The following GPC5 variants were observed in gnomAD, a reference collection of about 807,000 sequenced individuals.
GPC5 encodes glypican-5.
In GPC5, 47 loss-of-function variants were observed where a neutral mutation model predicts 53.9. The observed-to-expected ratio is 0.87, with a 90% CI of 0.69 to 1.11. The LOEUF (loss-of-function observed/expected upper bound fraction) is 1.11, where lower values mean the gene tolerates loss of function less well. GPC5 is among the 50% of genes most tolerant of loss of function. GPC5 has a pLI of 0.00. For synonymous variants in GPC5, 286 were observed against 263.3 expected, an observed-to-expected ratio of 1.09 and a Z score of -0.84; for missense variants, 748 against 713.1, an observed-to-expected ratio of 1.05 and a Z score of -0.56.
At chr13:92,202,300 G>C (rs896990805) in intron 7 of GPC5, among the ~76,000 whole-genome samples, 20 of 152,138 alleles carry the variant, frequency 1.3e-4, no homozygotes, top group Non-Finnish European at 2.8e-4. Context: ...TTAGCATGCA[G>C]AACAGGCTAT....
At chr13:91,631,467 C>T (rs1285501952) in intron 2 of GPC5, among the ~76,000 whole-genome samples, 1 of 152,016 alleles carries the variant, frequency 6.6e-6, no homozygotes, top group Non-Finnish European at 1.5e-5. Context: ...AGTATGGACT[C>T]AAGGAACAGA....
chr13:92,118,189 A>G (rs747777821), intron 6 of GPC5, among the ~76,000 whole-genome samples: 1 of 152,114 alleles, frequency 6.6e-6, no homozygotes, highest in Non-Finnish European at 1.5e-5. Context: ...AATTTTGTCA[A>G]ATGCTTTTGC....
chr13:92,713,427 C>T (rs77197686), intron 7 of GPC5, among the ~76,000 whole-genome samples: 1 of 116,454 alleles, frequency 8.6e-6, no homozygotes, highest in African/African-American at 3.4e-5. Flanking sequence ...TCCGGCTCTA[C>T]TAAAAAAAAA....
At position 91,920,946 on chromosome 13, in the gene GPC5, T is replaced by C. The variant is rs2139016845; in HGVS notation, c.1401+12889T>C. The stretch of plus-strand genomic sequence containing the variant: ...TCTCTCTTTTTTTTTTTTTTTTTTT[T>C]TTTTTTTTTGAGATAGAGTTTCTCT... On this transcript the variant is annotated intron_variant, in intron 6 of 7. Transcript: ENST00000377067. 1.4e-5 allele frequency among the ~76,000 whole-genome samples: 2 copies of C among 138,988 alleles called. 1 individual carries two copies. The highest frequency in any genetic ancestry group is 4.1e-4 in the East Asian group (2 of 4,858). 91.2% of individuals were successfully genotyped at this position (138,988 alleles called of 152,430 possible).
At chr13:92,266,388 A>G (rs1193378080) in intron 7 of GPC5, among the ~76,000 whole-genome samples, 1 of 152,162 alleles carries the variant, frequency 6.6e-6, no homozygotes, top group Non-Finnish European at 1.5e-5. Flanking sequence ...TGGCTAGAGG[A>G]AGATGCTCTC....
chr13:92,295,646 G>A (rs1401199832), intron 7 of GPC5, among the ~76,000 whole-genome samples: 4 of 152,134 alleles, frequency 2.6e-5, no homozygotes, highest in Non-Finnish European at 5.9e-5. Flanking sequence ...TCCAGTATTA[G>A]GTGCATATAT....
intron 7 of GPC5, among the ~76,000 whole-genome samples, chr13:92,843,194 T>C (rs540510319): frequency 7.2e-5 from 11 of 152,322 alleles, no homozygotes; most frequent in African/African-American, 2.4e-4. Context: ...TATTCCTCTT[T>C]TCAATCTCTT....
At chr13:91,546,524 TTA>T (rs2138789786) in intron 2 of GPC5, among the ~76,000 whole-genome samples, 1 of 152,232 alleles carries the variant, frequency 6.6e-6, no homozygotes, top group African/African-American at 2.4e-5. Flanking sequence ...AATCAATTTT[TTA>T]AAATTTTTTC....
At chr13:92,461,481 T>TA (rs1348688864) in intron 7 of GPC5, among the ~76,000 whole-genome samples, 2 of 152,082 alleles carry the variant, frequency 1.3e-5, no homozygotes, top group Non-Finnish European at 2.9e-5. Context: ...AAAAGAGACA[T>TA]AGAAATATCC....
chr13:92,292,276 A>G (rs2043002186), intron 7 of GPC5, among the ~76,000 whole-genome samples: 1 of 152,200 alleles, frequency 6.6e-6, no homozygotes, highest in Non-Finnish European at 1.5e-5. Context: ...TTCCCATAGC[A>G]ATTGTACTAG....
At chr13:91,705,695 C>CA (rs1415868057) in intron 3 of GPC5, among the ~76,000 whole-genome samples, 1 of 122,972 alleles carries the variant, frequency 8.1e-6, no homozygotes, top group South Asian at 2.7e-4. Flanking sequence ...CTAAAAACAC[C>CA]CCCCCCCCCA....
chr13:92,755,974 AT>A (rs1242038792), intron 7 of GPC5, among the ~76,000 whole-genome samples: 2 of 151,786 alleles, frequency 1.3e-5, no homozygotes, highest in African/African-American at 4.8e-5. Context: ...TCCCTAACTC[AT>A]TTTATGAGGC....
At chr13:92,156,263 C>A (rs1474382132) in intron 7 of GPC5, among the ~76,000 whole-genome samples, 1 of 152,068 alleles carries the variant, frequency 6.6e-6, no homozygotes, top group Non-Finnish European at 1.5e-5. Flanking sequence ...GGTAAGAAAA[C>A]TTGGCAGATT....
rs535211424 is a variant in GPC5, at chr13:92,177,525, T to G, written c.1561+32536T>G. On this transcript the variant is annotated intron_variant, in intron 7 of 7. Transcript: ENST00000377067. ...CATCTCAACCTTATAAAGCTCTTTT[T>G]TGCTCTTTTATATTCTAATAACAGA... 2.0e-4 allele frequency among the ~76,000 whole-genome samples: 31 copies of G among 152,306 alleles called. 1 individual carries two copies. Among genetic ancestry groups the G allele is most frequent in the Middle Eastern group, 6.8e-3 (2 of 294 alleles).
chr13:92,758,033 G>A (rs866881309), intron 7 of GPC5, among the ~76,000 whole-genome samples: 6 of 150,822 alleles, frequency 4.0e-5, no homozygotes, highest in Non-Finnish European at 8.8e-5. Flanking sequence ...ACATGCACAC[G>A]TATGTTTATT....
chr13:92,442,305 T>C (rs192060528), intron 7 of GPC5, among the ~76,000 whole-genome samples: 24 of 152,274 alleles, frequency 1.6e-4, no homozygotes, highest in African/African-American at 5.5e-4. Context: ...CTACATAACA[T>C]ATACAGGTAG....
chr13:92,131,134 C>G lies in GPC5; in HGVS notation c.1402-13696C>G, dbSNP rs72635485. On this transcript the variant is annotated intron_variant, in intron 6 of 7. Transcript: ENST00000377067. ...AAATGCAAATTAAAACGGCCTTAAA[C>G]ACCACTATATACCCACTAAATACCC... 1.6e-3 allele frequency among the ~76,000 whole-genome samples: 248 copies of G among 151,962 alleles called. 2 individuals are homozygous for G. Among genetic ancestry groups the G allele is most frequent in the Non-Finnish European group, 3.1e-3 (207 of 67,808 alleles).
At chr13:91,877,307 C>T (rs1304510413) in intron 5 of GPC5, among the ~76,000 whole-genome samples, 1 of 152,162 alleles carries the variant, frequency 6.6e-6, no homozygotes, top group Non-Finnish European at 1.5e-5. Flanking sequence ...TTGCACAGTG[C>T]ACCTGGAAAA....
intron 7 of GPC5, among the ~76,000 whole-genome samples, chr13:92,660,408 G>C (rs1199342129): frequency 2.0e-5 from 3 of 151,684 alleles, no homozygotes; most frequent in Non-Finnish European, 4.4e-5. Context: ...TAAACAGCAA[G>C]AGGTGTATGT....
Sources: gnomAD v4.1 joint callset for allele counts (sites outside exome capture counted in the v4.1 genomes callset) on GRCh38, gnomAD v4.1.1 for gene constraint, MANE v1.5 for transcripts, NCBI Gene and HGNC (gene_info 2026-07-23, HGNC 2026-07-21) for gene names.